Variants in ANKRD31 observed in about 807,000 individuals in gnomAD.
ANKRD31 encodes ankyrin repeat domain-containing protein 31.
A neutral mutation model predicts 186.0 loss-of-function variants in ANKRD31; 147 were observed. The ratio of observed to expected loss-of-function variants is 0.79; its 90% CI spans 0.69 to 0.91. The LOEUF (loss-of-function observed/expected upper bound fraction) is 0.91, where lower values mean the gene tolerates loss of function less well. Among genes scored for constraint, ANKRD31 ranks in the 40% least tolerant of loss-of-function variants. ANKRD31 has a pLI of 0.00. For synonymous variants in ANKRD31, 673 were observed against 736.4 expected (o/e 0.91, Z 1.39); for missense variants, 1,986 against 2,148.8 (o/e 0.92, Z 1.50).
intron 10 of ANKRD31, among the ~76,000 whole-genome samples, chr5:75,177,120 A>AG (rs1277253860): frequency 6.6e-6 from 1 of 152,220 alleles, no homozygotes; most frequent in Non-Finnish European, 1.5e-5. Context: ...ATCAGTTGGA[A>AG]GAAAGGGTAT....
chr5:75,236,061 T>C (rs771041454), intron 1 of ANKRD31, among the ~76,000 whole-genome samples: 1 of 152,170 alleles, frequency 6.6e-6, no homozygotes, highest in Non-Finnish European at 1.5e-5. Context: ...TCCCTGTGTC[T>C]AGCACAGAGA....
intron 22 of ANKRD31, among the ~76,000 whole-genome samples, chr5:75,097,577 A>T (rs1746434540): frequency 6.6e-6 from 1 of 152,078 alleles, no homozygotes; most frequent in Admixed American, 6.5e-5. Flanking sequence ...AGATGGGTAG[A>T]TTGTAAAAAT....
In ANKRD31 at chr5:75,206,489, T is replaced by TA. The variant is rs1209970573; in HGVS notation, c.327-3dup. ...AACATTGAACAGTTTTTTCTAGTCC[T>TA]AAAAAATCAATTAATAAAAATAAAT... On this transcript the variant is annotated splice_polypyrimidine_tract_variant and splice_region_variant and intron_variant, in intron 4 of 25. Transcript: ENST00000506364. The TA allele has an allele frequency of 2.8e-6, 4 of 1,412,670 alleles. No homozygotes were observed. The highest frequency in any genetic ancestry group is 6.0e-5 in the Admixed American group (2 of 33,590). The allele number at this position is 1,412,670 out of a possible 1,614,324, so 87.5% of individuals were successfully genotyped here. A position where few individuals can be genotyped will look rare whatever the true frequency, so the allele number is the denominator to read the frequency against.
chr5:75,119,158 T>C (rs1288518766), intron 17 of ANKRD31, among the ~76,000 whole-genome samples: 1 of 152,214 alleles, frequency 6.6e-6, no homozygotes, highest in Non-Finnish European at 1.5e-5. Context: ...CATGGGTATA[T>C]TGCATGATGC....
At chr5:75,152,033 A>G (rs1268212509) in intron 12 of ANKRD31, among the ~76,000 whole-genome samples, 1 of 152,052 alleles carries the variant, frequency 6.6e-6, no homozygotes, top group African/African-American at 2.4e-5. Flanking sequence ...GAGGTGGGTT[A>G]GAGAGCATCT....
chr5:75,187,128 GTGTGTGTGT>G, intron 10 of ANKRD31, among the ~76,000 whole-genome samples: 1 of 151,208 alleles, frequency 6.6e-6, no homozygotes, highest in Admixed American at 6.6e-5. Context: ...GTGTGTGTGT[GTGTGTGTGT>G]GTGTGTGTGT....
At chr5:75,235,946 A>T (rs987080852) in intron 1 of ANKRD31, among the ~76,000 whole-genome samples, 4 of 152,170 alleles carry the variant, frequency 2.6e-5, no homozygotes, top group African/African-American at 9.7e-5. Flanking sequence ...GAAGAGAGAG[A>T]GGGAAAGGAG....
intron 22 of ANKRD31, among the ~76,000 whole-genome samples, chr5:75,098,988 A>AGG (rs1349163617): frequency 6.6e-6 from 1 of 152,144 alleles, no homozygotes; most frequent in Non-Finnish European, 1.5e-5. Context: ...GTGGTGAGAG[A>AGG]GGGCATCCCT....
chr5:75,149,271 C>T (rs114507562), intron 12 of ANKRD31, among the ~76,000 whole-genome samples: 577 of 151,844 alleles, frequency 3.8e-3, no homozygotes, highest in African/African-American at 0.013. Context: ...CAATGGCTTA[C>T]ACACAGGAAA....
intron 24 of ANKRD31, among the ~76,000 whole-genome samples, chr5:75,080,923 T>G: frequency 2.0e-5 from 1 of 49,738 alleles, no homozygotes; most frequent in East Asian, 6.7e-4. Flanking sequence ...ACAAAATTAT[T>G]TTTTTTTTTT....
At chr5:75,176,171 C>A (rs1476328418) in intron 10 of ANKRD31, among the ~76,000 whole-genome samples, 3 of 152,156 alleles carry the variant, frequency 2.0e-5, no homozygotes, top group Admixed American at 6.5e-5. Flanking sequence ...TGCAAGGTGG[C>A]AGTGAGGCTG....
At chr5:75,123,877 A>G (rs531343224) in intron 17 of ANKRD31, among the ~76,000 whole-genome samples, 43 of 152,220 alleles carry the variant, frequency 2.8e-4, no homozygotes, top group Non-Finnish European at 4.7e-4. Flanking sequence ...GTCTAGGCAA[A>G]GAATTCATAA....
rs774631129 is a variant in ANKRD31 at position 75,148,599 on chromosome 5, T to G, written c.1882A>C (p.Ile628Leu). ...ACCTTGTGTTGGTACACATCCTCTA[T>G]GTCTAGTGGGTCAATGCTACTCCTT... ...AQRSSIDPLDIEDVYQHKKPK... is the reference protein window; with the variant it reads ...AQRSSIDPLDLEDVYQHKKPK... Residue 628 changes from isoleucine to leucine, a missense_variant, in exon 13 of 26, where the codon ATA becomes CTA. Transcript: ENST00000506364. 4 of 1,526,672 alleles carry G rather than the reference T, an allele frequency of 2.6e-6. No homozygotes were observed. The African/African-American group carries it at 4.1e-5, about 16-fold the overall frequency. 94.6% of individuals were successfully genotyped at this position (1,526,672 alleles called of 1,614,324 possible).
chr5:75,236,561 C>T, intron 1 of ANKRD31, 22 bp downstream of exon 1: 1 of 1,534,348 alleles, frequency 6.5e-7, no homozygotes, highest in Non-Finnish European at 8.7e-7. Flanking sequence ...GGTTCAGGCA[C>T]TGTGGCCCTA....
chr5:75,221,903 A>G (rs1355896373), intron 3 of ANKRD31, among the ~76,000 whole-genome samples: 1 of 152,174 alleles, frequency 6.6e-6, no homozygotes, highest in Non-Finnish European at 1.5e-5. Flanking sequence ...AAGAATATGT[A>G]TTGACTATCA....
At chr5:75,096,561 G>A (rs1455643100) in intron 22 of ANKRD31, among the ~76,000 whole-genome samples, 1 of 152,056 alleles carries the variant, frequency 6.6e-6, no homozygotes, top group African/African-American at 2.4e-5. Context: ...ATTGCTTGTG[G>A]CGATTTCATC....
intron 17 of ANKRD31, among the ~76,000 whole-genome samples, chr5:75,135,237 G>T (rs1022092193): frequency 1.3e-5 from 2 of 152,334 alleles, no homozygotes; most frequent in Non-Finnish European, 1.5e-5. Flanking sequence ...GTCCCTGTTT[G>T]CAGATGACAT....
chr5:75,184,611 A>G (rs1376024971), intron 10 of ANKRD31, among the ~76,000 whole-genome samples: 1 of 152,180 alleles, frequency 6.6e-6, no homozygotes, highest in Non-Finnish European at 1.5e-5. Flanking sequence ...GGTATACAAA[A>G]AAAGTGCTCA....
Position 75,222,326 on chromosome 5 carries a change from T to C in ANKRD31, c.211A>G (p.Lys71Glu). Reference sequence around the variant, plus strand: ...TGCTCTTGCAGATCCTCTCTGAGCTTAAATCCAAGTTGAATCTCAGGAGAA... The same window carrying C: ...TGCTCTTGCAGATCCTCTCTGAGCTCAAATCCAAGTTGAATCTCAGGAGAA... The part of the protein sequence containing the change: ...MPSPEIQLGF[K>E]LREDLQEQMN... Residue 71 changes from lysine to glutamate, a missense_variant, in exon 3 of 26, where the codon AAG becomes GAG. Transcript: ENST00000506364. 4.6e-6 allele frequency: 7 copies of C among 1,536,726 alleles called. No individual in the cohort carries two copies. Among genetic ancestry groups the C allele is most frequent in the Non-Finnish European group, 4.4e-6 (5 of 1,146,690 alleles).
Sources: gnomAD v4.1 joint callset for allele counts (sites outside exome capture counted in the v4.1 genomes callset) on GRCh38, gnomAD v4.1.1 for gene constraint, MANE v1.5 for transcripts, NCBI Gene and HGNC (gene_info 2026-07-23, HGNC 2026-07-21) for gene names.